Variants in TRERF1 observed in about 807,000 individuals in gnomAD.
The protein encoded by TRERF1 is transcriptional-regulating factor 1.
TRERF1 carries 27 observed loss-of-function variants against 122.9 expected under a neutral mutation model. That is an observed-to-expected ratio of 0.22 (90% CI 0.16 to 0.30). TRERF1 has a LOEUF of 0.30. Among genes scored for constraint, TRERF1 ranks in the 10% least tolerant of loss-of-function variants. TRERF1 has a pLI of 1.00. For synonymous variants in TRERF1, 636 were observed against 641.7 expected, an observed-to-expected ratio of 0.99 and a Z score of 0.13; for missense variants, 1,248 against 1,560.3, an observed-to-expected ratio of 0.80 and a Z score of 3.37.
intron 2 of TRERF1, among the ~76,000 whole-genome samples, chr6:42,437,376 G>A (rs1359869607): frequency 1.3e-5 from 2 of 152,186 alleles, no homozygotes; most frequent in Admixed American, 1.3e-4. Context: ...CACCCTCACA[G>A]AGTTTCACCC....
chr6:42,237,009 T>G (rs1772394417), intron 15 of TRERF1, among the ~76,000 whole-genome samples: 1 of 152,116 alleles, frequency 6.6e-6, no homozygotes, highest in African/African-American at 2.4e-5. Flanking sequence ...GAAGGGGAGA[T>G]TCCCTTTTAT....
chr6:42,248,301 C>T (rs954647846), intron 13 of TRERF1, among the ~76,000 whole-genome samples: 1 of 152,118 alleles, frequency 6.6e-6, no homozygotes, highest in Admixed American at 6.5e-5. Flanking sequence ...CGGGGTCAGA[C>T]ATCTACAAAA....
chr6:42,240,977 C>T (rs557475442), intron 15 of TRERF1, among the ~76,000 whole-genome samples: 7 of 152,100 alleles, frequency 4.6e-5, no homozygotes, highest in African/African-American at 1.7e-4. Flanking sequence ...ACTGCAACCT[C>T]CACCTCCCGG....
intron 7 of TRERF1, among the ~76,000 whole-genome samples, chr6:42,264,496 G>A (rs1255840937): frequency 6.6e-6 from 1 of 152,246 alleles, no homozygotes; most frequent in African/African-American, 2.4e-5. Context: ...TAGCGCCTCT[G>A]ATTTTGACCC....
intron 2 of TRERF1, among the ~76,000 whole-genome samples, chr6:42,386,288 A>G (rs1207804136): frequency 1.3e-5 from 2 of 152,166 alleles, no homozygotes; most frequent in Non-Finnish European, 2.9e-5. Flanking sequence ...TATTTTTAGT[A>G]AAGACTAGTA....
intron 2 of TRERF1, among the ~76,000 whole-genome samples, chr6:42,415,021 T>C (rs1173409908): frequency 6.6e-6 from 1 of 152,224 alleles, no homozygotes; most frequent in African/African-American, 2.4e-5. Flanking sequence ...TCACCAGCAA[T>C]GTATGAAAGT....
chr6:42,260,202 G>T (rs991674001), intron 8 of TRERF1, among the ~76,000 whole-genome samples: 14 of 152,016 alleles, frequency 9.2e-5, no homozygotes, highest in African/African-American at 3.4e-4. Flanking sequence ...CCTAGCCAAG[G>T]TTCCTAAGGC....
At chr6:42,320,533 T>A (rs1183614353) in intron 3 of TRERF1, among the ~76,000 whole-genome samples, 1 of 137,510 alleles carries the variant, frequency 7.3e-6, no homozygotes, top group Admixed American at 7.2e-5. Context: ...TGAGACTGAG[T>A]CTCGCTCTTT....
chr6:42,444,058 G>C (rs1317362851), intron 2 of TRERF1, among the ~76,000 whole-genome samples: 5 of 150,956 alleles, frequency 3.3e-5, no homozygotes, highest in Non-Finnish European at 5.9e-5. Context: ...TCTCAATCCA[G>C]CTCTGACTCT....
At chr6:42,307,093 T>C (rs543041946) in intron 3 of TRERF1, among the ~76,000 whole-genome samples, 7 of 152,366 alleles carry the variant, frequency 4.6e-5, no homozygotes, top group Non-Finnish European at 1.0e-4. Context: ...CCTTGGCTTA[T>C]GTCCTAGAAC....
At chr6:42,340,959 C>A (rs1165917909) in intron 3 of TRERF1, among the ~76,000 whole-genome samples, 2 of 152,172 alleles carry the variant, frequency 1.3e-5, no homozygotes, top group Non-Finnish European at 2.9e-5. Context: ...GAACTAGTTA[C>A]TCCAAGGACC....
chr6:42,415,642 C>G (rs1781725611), intron 2 of TRERF1, among the ~76,000 whole-genome samples: 1 of 152,128 alleles, frequency 6.6e-6, no homozygotes, highest in African/African-American at 2.4e-5. Flanking sequence ...ATTTGAAATA[C>G]TGCGTTTATC....
rs569027405 is a variant in TRERF1 at position 42,444,398 on chromosome 6, T to C, written c.-454+6779A>G. 1.5e-4 allele frequency among the ~76,000 whole-genome samples: 23 copies of C among 152,250 alleles called. No homozygotes were observed. The South Asian group carries it at 4.8e-3, about 32-fold the overall frequency. On this transcript the variant is annotated intron_variant, in intron 2 of 17. Transcript: ENST00000372922. Reference sequence around the variant, plus strand: ...TGTGCCGCTCAGTAACGCAGTCAAATGTTCAGAAAAATGCAGTACCATTTC... The same window carrying C: ...TGTGCCGCTCAGTAACGCAGTCAAACGTTCAGAAAAATGCAGTACCATTTC...
chr6:42,236,168 C>T (rs1483259670), intron 16 of TRERF1, 37 bp downstream of exon 16: 1 of 1,533,278 alleles, frequency 6.5e-7, no homozygotes, highest in Admixed American at 2.2e-5. Context: ...ATGGCTCTCA[C>T]TTGTCCCAGA....
intron 15 of TRERF1, among the ~76,000 whole-genome samples, chr6:42,238,004 T>C (rs911940029): frequency 4.6e-5 from 7 of 152,242 alleles, no homozygotes; most frequent in African/African-American, 1.7e-4. Context: ...GTAGGCCTAG[T>C]ACATTTGACA....
At chr6:42,265,844 C>G in intron 5 of TRERF1, 47 bp from the exon 6 acceptor site, 1 of 1,597,940 alleles carries the variant, frequency 6.3e-7, no homozygotes, top group Non-Finnish European at 8.6e-7. Context: ...GAGAAAAAAA[C>G]GTGTTCTGAA....
chr6:42,439,281 C>T (rs888646182), intron 2 of TRERF1, among the ~76,000 whole-genome samples: 8 of 152,246 alleles, frequency 5.3e-5, no homozygotes, highest in African/African-American at 1.7e-4. Context: ...GACTACGCTC[C>T]GTAACGTGAC....
rs1582672509 is a variant in TRERF1, at chr6:42,264,902, G to GTTTT, written c.1485-49_1485-48insAAAA. On this transcript the variant is annotated intron_variant, in intron 6 of 17. Coordinates refer to ENST00000372922, the Ensembl canonical transcript of TRERF1. ...GGAGAGGACACATACGTTGAGGAAG[G>GTTTT]GGAAACAGTGACTTGCCACAAGACC... The GTTTT allele has an allele frequency of 1.4e-5, 22 of 1,599,612 alleles. No individual in the cohort carries two copies. The East Asian group carries it at 4.7e-4, about 34-fold the overall frequency.
intron 3 of TRERF1, among the ~76,000 whole-genome samples, chr6:42,348,929 TCCA>T: frequency 6.6e-6 from 1 of 152,198 alleles, no homozygotes; most frequent in East Asian, 1.9e-4. Context: ...TGGTCCCAGC[TCCA>T]CCACTGCAAA....
Sources: allele counts gnomAD v4.1 joint callset (sites outside exome capture counted in the v4.1 genomes callset), GRCh38; gene constraint gnomAD v4.1.1; transcripts MANE v1.5; gene names NCBI Gene and HGNC (gene_info 2026-07-23, HGNC 2026-07-21).